Variants in CACNB4 observed in about 807,000 individuals in gnomAD.
CACNB4 encodes calcium voltage-gated channel auxiliary subunit beta 4.
CACNB4 carries 32 observed loss-of-function variants against 71.2 expected under a neutral mutation model. The ratio of observed to expected loss-of-function variants is 0.45; its 90% CI spans 0.34 to 0.60. The LOEUF (loss-of-function observed/expected upper bound fraction) is 0.60, where lower values mean the gene tolerates loss of function less well. CACNB4 is among the 20% of genes least tolerant of loss of function. The pLI is 0.01. For missense variants in CACNB4, 464 were observed against 647.9 expected, an observed-to-expected ratio of 0.72 and a Z score of 3.08; for synonymous variants, 231 against 236.9, an observed-to-expected ratio of 0.97 and a Z score of 0.23.
chr2:151,903,859 C>T (rs546784845), intron 2 of CACNB4, among the ~76,000 whole-genome samples: 26 of 152,324 alleles, frequency 1.7e-4, no homozygotes, highest in African/African-American at 5.8e-4. Flanking sequence ...TACAACTGTA[C>T]GTGTGGCTAT....
intron 2 of CACNB4, among the ~76,000 whole-genome samples, chr2:152,019,645 G>A (rs1381219954): frequency 2.6e-5 from 4 of 152,138 alleles, no homozygotes; most frequent in Non-Finnish European, 5.9e-5. Context: ...CAAGAAAGAT[G>A]ATATCTCCCC....
intron 2 of CACNB4, among the ~76,000 whole-genome samples, chr2:151,955,672 G>A (rs1578962335): frequency 6.6e-6 from 1 of 152,198 alleles, no homozygotes; most frequent in African/African-American, 2.4e-5. Flanking sequence ...GCGGGAGGCT[G>A]AGGTGGGAGG....
chr2:151,976,965 T>C (rs2099873923), intron 2 of CACNB4, among the ~76,000 whole-genome samples: 1 of 152,154 alleles, frequency 6.6e-6, no homozygotes, highest in Non-Finnish European at 1.5e-5. Flanking sequence ...ACTGGCACCT[T>C]CTTGGTTTTG....
At chr2:151,935,778 T>C (rs1203954222) in intron 2 of CACNB4, among the ~76,000 whole-genome samples, 1 of 152,244 alleles carries the variant, frequency 6.6e-6, no homozygotes, top group East Asian at 1.9e-4. Context: ...ATAGCATTGA[T>C]AAGGCTATTA....
At chr2:152,028,053 C>A (rs1040246427) in intron 2 of CACNB4, among the ~76,000 whole-genome samples, 1 of 152,078 alleles carries the variant, frequency 6.6e-6, no homozygotes, top group African/African-American at 2.4e-5. Context: ...GAGGTTGACA[C>A]CTGCTCCCTT....
rs565757135 is a variant in CACNB4 at position 152,098,857 on chromosome 2, C to T, written c.63+92G>A. 3.7e-4 allele frequency: 411 copies of T among 1,121,130 alleles called. 2 individuals carry two copies. In the African/African-American group the frequency reaches 5.5e-3, roughly 15 times the overall value. The allele number at this position is 1,121,130 out of a possible 1,614,324, so 69.4% of individuals were successfully genotyped here. A position where few individuals can be genotyped will look rare whatever the true frequency, so the allele number is the denominator to read the frequency against. ...CGACTCCCGGGACTGGGGCCCCGCA[C>T]GCCCGGCACGAAGGCGGGGCGCGCT... On this transcript the variant is annotated intron_variant, in intron 1 of 13. Transcript: ENST00000539935. This position sits in a 1 kb window ranked among gnomAD's most constrained non-coding sequence, Gnocchi z 5.3.
chr2:151,898,564 T>C (rs1277921192), intron 2 of CACNB4, among the ~76,000 whole-genome samples: 1 of 152,270 alleles, frequency 6.6e-6, no homozygotes, highest in African/African-American at 2.4e-5. Flanking sequence ...GATGCCCTTT[T>C]GTTGTTTCAA....
chr2:151,895,121 C>CACACAA (rs2099851720), intron 2 of CACNB4, among the ~76,000 whole-genome samples: 1 of 150,690 alleles, frequency 6.6e-6, no homozygotes, highest in African/African-American at 2.4e-5. Flanking sequence ...CACACACACA[C>CACACAA]ACACACACAC....
intron 3 of CACNB4, chr2:151,882,867 A>G (rs1411718704): frequency 3.5e-6 from 1 of 282,770 alleles, no homozygotes; most frequent in East Asian, 8.9e-5. Context: ...AAACAGGGCG[A>G]TCCACAGAAC....
chr2:151,971,578 T>C (rs952852885), intron 2 of CACNB4: 5 of 702,914 alleles, frequency 7.1e-6, no homozygotes, highest in Non-Finnish European at 1.3e-5. Flanking sequence ...GAAAGACTGC[T>C]GAGGAGGTGG....
At chr2:151,903,729 G>C (rs1303678228) in intron 2 of CACNB4, among the ~76,000 whole-genome samples, 1 of 152,160 alleles carries the variant, frequency 6.6e-6, no homozygotes, top group Non-Finnish European at 1.5e-5. Flanking sequence ...AATACTTGTT[G>C]TATAAGGTAG....
intron 3 of CACNB4, 52 bp downstream of exon 3, chr2:151,883,199 A>C (rs1180591923): frequency 6.3e-7 from 1 of 1,589,864 alleles, no homozygotes; most frequent in African/African-American, 1.3e-5. Flanking sequence ...AGCAGCTGGT[A>C]GCCACTGAGC....
intron 2 of CACNB4, among the ~76,000 whole-genome samples, chr2:152,076,136 CTTT>C (rs35400714): frequency 1.4e-4 from 10 of 71,196 alleles, no homozygotes; most frequent in African/African-American, 5.0e-4. Flanking sequence ...CACCTCTTTT[CTTT>C]TTTTTTTTTT....
chr2:152,030,051 T>C (rs978617891), intron 2 of CACNB4, among the ~76,000 whole-genome samples: 4 of 152,004 alleles, frequency 2.6e-5, no homozygotes, highest in Non-Finnish European at 5.9e-5. Context: ...AATGCTGAAG[T>C]GCAAATTCAA....
At chr2:151,935,714 AT>A (rs2099862767) in intron 2 of CACNB4, among the ~76,000 whole-genome samples, 1 of 152,248 alleles carries the variant, frequency 6.6e-6, no homozygotes, top group Non-Finnish European at 1.5e-5. Context: ...ACTACAAATT[AT>A]CAAAACATGC....
At chr2:152,014,182 A>C (rs1683215025) in intron 2 of CACNB4, among the ~76,000 whole-genome samples, 1 of 151,984 alleles carries the variant, frequency 6.6e-6, no homozygotes, top group South Asian at 2.1e-4. Flanking sequence ...CCCCATCTCT[A>C]CTAAAATTAC....
chr2:152,049,979 G>T (rs141952869), intron 2 of CACNB4, among the ~76,000 whole-genome samples: 262 of 152,382 alleles, frequency 1.7e-3, no homozygotes, highest in African/African-American at 6.0e-3. Flanking sequence ...CCAGACCACA[G>T]TATGGAGATG....
chr2:151,942,026 T>G (rs2099864391), intron 2 of CACNB4, among the ~76,000 whole-genome samples: 1 of 152,242 alleles, frequency 6.6e-6, no homozygotes, highest in South Asian at 2.1e-4. Context: ...TCTTCTTTTC[T>G]AAGTCAGCTA....
At chr2:151,962,767 T>C (rs1287904738) in intron 2 of CACNB4, 1 of 152,238 alleles carries the variant, frequency 6.6e-6, no homozygotes, top group African/African-American at 2.4e-5. Flanking sequence ...CTTCAAACCA[T>C]ATCATAAAGC....
Sources: gnomAD v4.1 joint callset for allele counts (sites outside exome capture counted in the v4.1 genomes callset) on GRCh38, gnomAD v4.1.1 for gene constraint, Gnocchi (gnomAD v3.1) non-coding constraint, MANE v1.5 for transcripts, NCBI Gene and HGNC (gene_info 2026-07-23, HGNC 2026-07-21) for gene names.